The following LINGO2 variants were observed in gnomAD, a reference collection of about 807,000 sequenced individuals.
LINGO2 encodes the protein leucine rich repeat and Ig domain containing 2.
Under a neutral mutation model 30.6 loss-of-function variants are expected in LINGO2, and 14 were observed. That is an observed-to-expected ratio of 0.46 (90% CI 0.30 to 0.72). LINGO2 has a LOEUF of 0.72. Among genes scored for constraint, LINGO2 ranks in the 30% least tolerant of loss-of-function variants. LINGO2 has a pLI of 0.07. For missense variants in LINGO2, 729 were observed against 751.7 expected (o/e 0.97, Z 0.35); for synonymous variants, 317 against 288.5 (o/e 1.10, Z -1.00).
intron 2 of LINGO2, among the ~76,000 whole-genome samples, chr9:28,472,624 T>A (rs75301096): frequency 0.016 from 2,475 of 152,126 alleles, 62 homozygotes; most frequent in African/African-American, 0.056. Context: ...CTTCAACAAG[T>A]TTTTTTTCCC....
intron 4 of LINGO2, among the ~76,000 whole-genome samples, chr9:28,064,429 G>A (rs531450801): frequency 6.6e-6 from 1 of 152,016 alleles, no homozygotes; most frequent in South Asian, 2.1e-4. Context: ...CTGCATTGAC[G>A]AACCAGCTGG....
intron 1 of LINGO2, among the ~76,000 whole-genome samples, chr9:28,545,906 G>A (rs1325368225): frequency 6.6e-6 from 1 of 151,976 alleles, no homozygotes; most frequent in Non-Finnish European, 1.5e-5. Flanking sequence ...AATTGTATCT[G>A]TCTGGTTCCT....
chr9:28,290,810 C>T (rs1159881497), intron 4 of LINGO2, among the ~76,000 whole-genome samples: 3 of 152,032 alleles, frequency 2.0e-5, no homozygotes, highest in Non-Finnish European at 2.9e-5. Context: ...TCAGAGAAGA[C>T]AAATGTCAGT....
At chr9:28,797,359 T>TATATATATATATATATAGAGAGAGAG in the LINGO2 span, among the ~76,000 whole-genome samples, 2 of 34,206 alleles carry the variant, frequency 5.8e-5, no homozygotes, top group African/African-American at 1.9e-4. Flanking sequence ...TATATATATA[T>TATATATATATATATATAGAGAGAGAG]AGAGAGAGAG....
At chr9:27,964,031 A>G (rs933884075) in intron 5 of LINGO2, among the ~76,000 whole-genome samples, 1 of 152,016 alleles carries the variant, frequency 6.6e-6, no homozygotes, top group Non-Finnish European at 1.5e-5. Context: ...TTGGATTTCA[A>G]CTCTCTTTTT....
chr9:27,949,330 G>A lies in LINGO2; in HGVS notation c.1342C>T (p.Arg448Ter). 6.2e-7 allele frequency: 1 copy of A among 1,614,066 alleles called. No homozygotes were observed. Among genetic ancestry groups the A allele is most frequent in the Non-Finnish European group, 8.5e-7 (1 of 1,179,992 alleles). Reference sequence around the variant, plus strand: ...GACTTGGTGGTGATGAAACGCCTTCGGGGTGTCACCCAGGAAATCACAGGC... The same window carrying A: ...GACTTGGTGGTGATGAAACGCCTTCAGGGTGTCACCCAGGAAATCACAGGC... Residue 448 changes from arginine to a stop codon, truncating the protein, a stop_gained, in exon 6 of 6, where the codon CGA becomes TGA. Transcript: ENST00000379992. LOFTEE classifies it high-confidence loss of function.
chr9:28,008,263 A>G (rs1001605248), intron 5 of LINGO2, among the ~76,000 whole-genome samples: 1 of 152,194 alleles, frequency 6.6e-6, no homozygotes, highest in Non-Finnish European at 1.5e-5. Context: ...GCCTTCTGGT[A>G]TTTATTCCTC....
chr9:28,506,373 C>G (rs1046871248), intron 1 of LINGO2, among the ~76,000 whole-genome samples: 3 of 144,720 alleles, frequency 2.1e-5, no homozygotes, highest in Non-Finnish European at 4.5e-5. Context: ...AGAAGATCTT[C>G]TAGTTTTAAT....
chr9:28,022,457 C>T (rs115132277), intron 4 of LINGO2, among the ~76,000 whole-genome samples: 1 of 151,942 alleles, frequency 6.6e-6, no homozygotes, highest in South Asian at 2.1e-4. Context: ...TTCCTTTTCC[C>T]TGAAGGATTT....
At chr9:28,934,663 C>A in the LINGO2 span, among the ~76,000 whole-genome samples, 2 of 151,852 alleles carry the variant, frequency 1.3e-5, no homozygotes, top group Non-Finnish European at 2.9e-5. Context: ...TATCTTTGCT[C>A]TTTGCAGCAA....
At chr9:28,970,033 A>T in the LINGO2 span, among the ~76,000 whole-genome samples, 2 of 152,128 alleles carry the variant, frequency 1.3e-5, no homozygotes. Context: ...TGACAATGAG[A>T]TGTGTTCACA....
chr9:28,748,621 T>G, the LINGO2 span, among the ~76,000 whole-genome samples: 2 of 152,054 alleles, frequency 1.3e-5, no homozygotes, highest in Non-Finnish European at 2.9e-5. Flanking sequence ...CTCATCAGAT[T>G]CTGTTTTCTA....
At chr9:28,290,326 G>A (rs1028792334) in intron 4 of LINGO2, among the ~76,000 whole-genome samples, 1 of 152,134 alleles carries the variant, frequency 6.6e-6, no homozygotes, top group Non-Finnish European at 1.5e-5. Flanking sequence ...TGAGGAAAGT[G>A]CCCTACCCAT....
At chr9:28,357,795 T>A (rs1043075890) in intron 3 of LINGO2, among the ~76,000 whole-genome samples, 6 of 152,126 alleles carry the variant, frequency 3.9e-5, no homozygotes, top group African/African-American at 1.2e-4. Flanking sequence ...AGTGGGGAAC[T>A]TATCATGGAG....
chr9:28,757,003 C>T, the LINGO2 span, among the ~76,000 whole-genome samples: 1 of 151,760 alleles, frequency 6.6e-6, no homozygotes, highest in Non-Finnish European at 1.5e-5. Context: ...AGTAATTTAC[C>T]AGTTTTAGTT....
At chr9:28,985,317 G>A in the LINGO2 span, among the ~76,000 whole-genome samples, 5 of 152,080 alleles carry the variant, frequency 3.3e-5, no homozygotes, top group African/African-American at 1.2e-4. Context: ...CAATAGCGCT[G>A]CAGGGAACAT....
chr9:28,091,898 C>T (rs1231493076), intron 4 of LINGO2, among the ~76,000 whole-genome samples: 1 of 152,126 alleles, frequency 6.6e-6, no homozygotes, highest in Non-Finnish European at 1.5e-5. Flanking sequence ...TATGAACAGA[C>T]ACTTCTCAAA....
chr9:28,308,466 A>T (rs1056280917), intron 3 of LINGO2, among the ~76,000 whole-genome samples: 98 of 146,310 alleles, frequency 6.7e-4, no homozygotes, highest in African/African-American at 2.4e-3. Flanking sequence ...TAGACCTAAA[A>T]CCATAAAAAC....
chr9:28,000,387 AAGG>A lies in LINGO2; in HGVS notation c.-36+11965_-36+11967del, dbSNP rs1821888786. Among the ~76,000 whole-genome samples, 4 of 152,298 alleles carry A rather than the reference AAGG, an allele frequency of 2.6e-5. No individual in the cohort carries two copies. The South Asian group carries it at 8.3e-4, about 32-fold the overall frequency. ...AAGCCGAAAAGAAGGAGGAGAAAAAAAGGAGGGAGAAAAAGAAAAGGAAGGTTG... is the reference window on the plus strand; with the variant it reads ...AAGCCGAAAAGAAGGAGGAGAAAAAAAGGGAGAAAAAGAAAAGGAAGGTTG... On this transcript the variant is annotated intron_variant, in intron 5 of 5. Transcript: ENST00000379992.
Sources: gnomAD v4.1 joint callset for allele counts (sites outside exome capture counted in the v4.1 genomes callset) on GRCh38, gnomAD v4.1.1 for gene constraint, MANE v1.5 for transcripts, NCBI Gene and HGNC (gene_info 2026-07-23, HGNC 2026-07-21) for gene names.